GALNT13: variants seen among roughly 807,000 people sequenced by gnomAD.
The protein encoded by GALNT13 is UDP-GalNAc:polypeptide N-acetylgalactosaminyltransferase 13.
Under a neutral mutation model 64.2 loss-of-function variants are expected in GALNT13, and 28 were observed. The observed-to-expected ratio is 0.44, with a 90% CI of 0.32 to 0.60. The LOEUF is 0.60. Ranked by LOEUF, GALNT13 falls within the 20% of genes least tolerant of loss-of-function variation. The pLI, the probability that GALNT13 is intolerant of heterozygous loss-of-function variation, is 0.05. For missense variants in GALNT13, 577 were observed against 669.8 expected (o/e 0.86, Z 1.53); for synonymous variants, 214 against 224.6 (o/e 0.95, Z 0.42).
the GALNT13 span, among the ~76,000 whole-genome samples, chr2:153,598,300 C>T: frequency 6.6e-6 from 1 of 152,088 alleles, no homozygotes; most frequent in African/African-American, 2.4e-5. Context: ...TCCTTGTTTT[C>T]CCTGAAGGCA....
chr2:153,118,920 T>C, the GALNT13 span, among the ~76,000 whole-genome samples: 1 of 152,118 alleles, frequency 6.6e-6, no homozygotes. Flanking sequence ...ATAATCCCCA[T>C]GTGTTGTGGG....
intron 3 of GALNT13, among the ~76,000 whole-genome samples, 174 bp from the exon 4 acceptor site, chr2:154,140,163 G>T (rs13428363): frequency 6.6e-6 from 1 of 151,866 alleles, no homozygotes; most frequent in Admixed American, 6.6e-5. Flanking sequence ...ACGCAGAATT[G>T]ATGTTTTTCT....
the GALNT13 span, among the ~76,000 whole-genome samples, chr2:153,506,707 T>C: frequency 6.6e-6 from 1 of 152,242 alleles, no homozygotes; most frequent in Admixed American, 6.5e-5. Context: ...CTGAGAAATC[T>C]GCTGTTACTC....
chr2:153,209,855 T>C, the GALNT13 span, among the ~76,000 whole-genome samples: 1 of 152,162 alleles, frequency 6.6e-6, no homozygotes, highest in African/African-American at 2.4e-5. Flanking sequence ...CAACAGTGTC[T>C]TGTAATTTTA....
At chr2:154,151,429 G>T (rs1218029833) in intron 4 of GALNT13, among the ~76,000 whole-genome samples, 4 of 152,188 alleles carry the variant, frequency 2.6e-5, no homozygotes, top group Non-Finnish European at 5.9e-5. Context: ...GGAGAGTTCT[G>T]TAGATGTCTA....
At chr2:153,436,822 T>A in the GALNT13 span, among the ~76,000 whole-genome samples, 1 of 152,352 alleles carries the variant, frequency 6.6e-6, no homozygotes, top group South Asian at 2.1e-4. Context: ...TGTCTCTATT[T>A]CCTTCAGTTC....
At chr2:154,262,766 A>C (rs560541568) in intron 8 of GALNT13, among the ~76,000 whole-genome samples, 1 of 152,172 alleles carries the variant, frequency 6.6e-6, no homozygotes, top group Non-Finnish European at 1.5e-5. Flanking sequence ...ATAGGTGTTA[A>C]AGAAAAAATA....
At chr2:153,965,408 A>AT (rs1382942452) in intron 3 of GALNT13, among the ~76,000 whole-genome samples, 57 of 151,838 alleles carry the variant, frequency 3.8e-4, no homozygotes, top group Non-Finnish European at 4.4e-5. Flanking sequence ...CATGGGATCA[A>AT]TTTTTTTTAA....
At chr2:153,890,903 AC>A (rs1309181844) in intron 1 of GALNT13, among the ~76,000 whole-genome samples, 1 of 151,834 alleles carries the variant, frequency 6.6e-6, no homozygotes, top group Non-Finnish European at 1.5e-5. Flanking sequence ...TTATTCTCTG[AC>A]CCTTAACTGT....
rs144739777 is a variant in GALNT13, at chr2:154,239,884, T to A, written c.312-2146T>A. ...CTTAACTGGCACACAATCAAGTATC[T>A]GTTATATGCCTTCATCTTCCACATT... On this transcript the variant is annotated intron_variant, in intron 4 of 12. Transcript: ENST00000392825. Among the ~76,000 whole-genome samples the A allele has an allele frequency of 3.4e-3, 524 of 152,346 alleles. 4 individuals are homozygous for A. The highest frequency in any genetic ancestry group is 0.012 in the African/African-American group (510 of 41,586).
At chr2:153,597,273 T>C in the GALNT13 span, among the ~76,000 whole-genome samples, 1 of 152,136 alleles carries the variant, frequency 6.6e-6, no homozygotes. Context: ...CTTCTAAGCG[T>C]AGGGCTCAGA....
intron 11 of GALNT13, chr2:154,435,868 GA>G (rs997824296): frequency 1.3e-5 from 2 of 151,954 alleles, no homozygotes; most frequent in African/African-American, 4.8e-5. Flanking sequence ...TAGTAAACAT[GA>G]AAAAAATTTT....
intron 8 of GALNT13, among the ~76,000 whole-genome samples, chr2:154,271,684 A>T (rs1017037362): frequency 6.6e-6 from 1 of 151,768 alleles, no homozygotes; most frequent in Non-Finnish European, 1.5e-5. Context: ...CAACAAAAAT[A>T]CTCGTCTACT....
At chr2:154,405,902 G>GT (rs1699514190) in intron 10 of GALNT13, among the ~76,000 whole-genome samples, 1 of 152,058 alleles carries the variant, frequency 6.6e-6, no homozygotes, top group Admixed American at 6.6e-5. Context: ...ATAGATACTT[G>GT]TAAGAATTAA....
chr2:154,245,532 G>A (rs1689733618), intron 6 of GALNT13, among the ~76,000 whole-genome samples: 1 of 152,076 alleles, frequency 6.6e-6, no homozygotes. Flanking sequence ...GTGGGTGGAG[G>A]TTTTATAAAA....
the GALNT13 span, among the ~76,000 whole-genome samples, chr2:153,676,263 G>C: frequency 6.6e-6 from 1 of 151,998 alleles, no homozygotes; most frequent in South Asian, 2.1e-4. Flanking sequence ...AGAAAATCTA[G>C]AATAAATGTA....
intron 9 of GALNT13, among the ~76,000 whole-genome samples, chr2:154,385,512 C>T (rs12620257): frequency 0.11 from 16,576 of 151,914 alleles, 1,016 homozygotes; most frequent in Non-Finnish European, 0.14. Flanking sequence ...CAACATTTGA[C>T]CCTACTTCTG....
chr2:153,279,428 G>C, the GALNT13 span, among the ~76,000 whole-genome samples: 17 of 152,176 alleles, frequency 1.1e-4, no homozygotes, highest in East Asian at 3.3e-3. Flanking sequence ...GGGCATCCTT[G>C]TCTTGTTCCA....
At chr2:153,403,149 G>C in the GALNT13 span, among the ~76,000 whole-genome samples, 6,738 of 150,004 alleles carry the variant, frequency 0.045, 207 homozygotes, top group Middle Eastern at 0.13. Flanking sequence ...TTCTAACAGA[G>C]AGGACCCTCA....
Sources: allele counts gnomAD v4.1 joint callset (sites outside exome capture counted in the v4.1 genomes callset), GRCh38; gene constraint gnomAD v4.1.1; transcripts MANE v1.5; gene names NCBI Gene and HGNC (gene_info 2026-07-23, HGNC 2026-07-21).